MAP3K15: variants seen among roughly 807,000 people sequenced by gnomAD.
MAP3K15 encodes mitogen-activated protein kinase kinase kinase 15.
A neutral mutation model predicts 99.5 loss-of-function variants in MAP3K15; 124 were observed. The observed-to-expected ratio is 1.25, with a 90% CI of 1.08 to 1.45. MAP3K15 has a LOEUF of 1.45. MAP3K15 is among the 40% of genes most tolerant of loss of function. The pLI is 0.00. For synonymous variants in MAP3K15, 494 were observed against 439.6 expected (o/e 1.12, Z -1.55); for missense variants, 1,242 against 1,079.7 (o/e 1.15, Z -2.11).
chrX:19,469,024 G>A (rs887213373), intron 3 of MAP3K15, among the ~76,000 whole-genome samples: 7 of 111,053 alleles, frequency 6.3e-5, no homozygotes, highest in Non-Finnish European at 1.3e-4. Context: ...CTGAGATGAT[G>A]GGGTTTTGTA....
chrX:19,420,733 A>G (rs2063777334), intron 9 of MAP3K15, among the ~76,000 whole-genome samples: 1 of 111,821 alleles, frequency 8.9e-6, no homozygotes, highest in Non-Finnish European at 1.9e-5. Context: ...ACAACCAAAA[A>G]AGAGAATTTT....
rs1273094113 is a variant in MAP3K15, at chrX:19,380,113, G to A, written c.2589+7C>T. On this transcript the variant is annotated splice_region_variant and intron_variant, in intron 19 of 28. Coordinates refer to ENST00000338883, the MANE Select transcript of MAP3K15 (RefSeq NM_001001671.4). The stretch of plus-strand genomic sequence containing the variant: ...ACGCCCAACCTCAATCACGAAGCAT[G>A]ACTTACTTTGAACATGGCTGCCTGC... The A allele has an allele frequency of 5.9e-6, 7 of 1,177,528 alleles. No homozygotes were observed. The Admixed American group carries it at 1.6e-4, about 26-fold the overall frequency.
In MAP3K15 at chrX:19,442,815, C is replaced by T. The variant is rs377680521; in HGVS notation, c.996-11207G>A. On this transcript the variant is annotated intron_variant, in intron 6 of 28. Transcript: ENST00000338883. ...TCGGCTCACTGCAATCTCCACTTCCCGGGTTCAGTTGATTCTCCTGCCTCA... is the reference window on the plus strand; with the variant it reads ...TCGGCTCACTGCAATCTCCACTTCCTGGGTTCAGTTGATTCTCCTGCCTCA... Among the ~76,000 whole-genome samples, 156 of 104,882 alleles carry T rather than the reference C, an allele frequency of 1.5e-3. No individual in the cohort carries two copies. The South Asian group carries it at 0.039, about 27-fold the overall frequency. The allele number at this position is 104,882 out of a possible 115,157, so 91.1% of individuals were successfully genotyped here.
At chrX:19,489,541 G>A (rs139895512) in intron 1 of MAP3K15, among the ~76,000 whole-genome samples, 1 of 111,121 alleles carries the variant, frequency 9.0e-6, no homozygotes, top group Non-Finnish European at 1.9e-5. Context: ...GCCTTTGGGA[G>A]GTGATTAGGT....
chrX:19,465,202 G>A (rs1046034157), intron 3 of MAP3K15, among the ~76,000 whole-genome samples: 1 of 110,984 alleles, frequency 9.0e-6, no homozygotes, highest in African/African-American at 3.3e-5. Flanking sequence ...CCTAAATTTC[G>A]TATTTTTACG....
intron 3 of MAP3K15, among the ~76,000 whole-genome samples, chrX:19,478,811 T>C (rs1251176502): frequency 9.1e-6 from 1 of 110,409 alleles, no homozygotes; most frequent in Non-Finnish European, 1.9e-5. Context: ...AACTCTGCTT[T>C]TTAAAAAAAC....
chrX:19,410,475 AT>A (rs2147272936), intron 11 of MAP3K15, among the ~76,000 whole-genome samples: 1 of 111,983 alleles, frequency 8.9e-6, no homozygotes, highest in Non-Finnish European at 1.9e-5. Context: ...GGCCAATGGG[AT>A]GTGAGCAGGA....
At chrX:19,489,443 G>C (rs935295854) in intron 1 of MAP3K15, among the ~76,000 whole-genome samples, 1 of 110,880 alleles carries the variant, frequency 9.0e-6, no homozygotes, top group African/African-American at 3.3e-5. Flanking sequence ...CCACGCACGT[G>C]TGTGTGCGCT....
In MAP3K15 at chrX:19,514,927, G is replaced by A; in HGVS notation, c.335C>T (p.Ala112Val). 1.7e-6 allele frequency: 2 copies of A among 1,143,293 alleles called. No individual in the cohort carries two copies. The highest frequency in any genetic ancestry group is 2.3e-6 in the Non-Finnish European group (2 of 865,318). 94.2% of individuals were successfully genotyped at this position (1,143,293 alleles called of 1,213,427 possible). A position where few individuals can be genotyped will look rare whatever the true frequency, so the allele number is the denominator to read the frequency against. ...PFGELDFGET[A>V]VLDAFYDADV... Reference sequence around the variant, plus strand: ...TGCGTCGTAGAAGGCGTCGAGCACGGCCGTCTCCCCGAAGTCCAGCTCCCC... The same window carrying A: ...TGCGTCGTAGAAGGCGTCGAGCACGACCGTCTCCCCGAAGTCCAGCTCCCC... The change falls in exon 1 of 29, where the codon GCC becomes GTC. Residue 112 changes from alanine (A) to valine (V), a missense_variant. Transcript: ENST00000338883.
At chrX:19,397,875 C>T (rs1393637610) in intron 15 of MAP3K15, among the ~76,000 whole-genome samples, 1 of 109,542 alleles carries the variant, frequency 9.1e-6, no homozygotes, top group Admixed American at 9.8e-5. Context: ...GTCAGGAGTT[C>T]GAGACCAACC....
At chrX:19,505,011 C>T (rs749468364) in intron 1 of MAP3K15, among the ~76,000 whole-genome samples, 98 of 107,564 alleles carry the variant, frequency 9.1e-4, no homozygotes, top group Non-Finnish European at 1.7e-3. Context: ...GTATAGGGTT[C>T]CTACAGCACC....
rs2063268836 is a variant in MAP3K15, at chrX:19,360,433, G to GCCTC, written c.*312_*315dup. ...AGTGGTGTGATCATGGCTCACTGCA[G>GCCTC]CCTCCACACCTCCTGGGCTCAAGCA... On this transcript the variant is annotated 3_prime_UTR_variant, in exon 29 of 29. Transcript: ENST00000338883. 11 of 219,949 alleles carry GCCTC rather than the reference G, an allele frequency of 5.0e-5. No individual in the cohort carries two copies. The South Asian group carries it at 6.4e-4, about 13-fold the overall frequency. 18.1% of individuals were successfully genotyped at this position (219,949 alleles called of 1,213,427 possible). A position where few individuals can be genotyped will look rare whatever the true frequency, so the allele number is the denominator to read the frequency against.
At chrX:19,390,486 T>C (rs1463058757) in intron 18 of MAP3K15, among the ~76,000 whole-genome samples, 1 of 103,017 alleles carries the variant, frequency 9.7e-6, no homozygotes. Flanking sequence ...AATTACTATA[T>C]AATATATGTT....
chrX:19,418,216 A>G (rs1310383571), intron 9 of MAP3K15, among the ~76,000 whole-genome samples: 1 of 112,094 alleles, frequency 8.9e-6, no homozygotes, highest in Non-Finnish European at 1.9e-5. Flanking sequence ...AGTTAAGAGA[A>G]GAAGACTTCA....
chrX:19,414,259 C>T (rs2063714924), intron 10 of MAP3K15: 1 of 115,383 alleles, frequency 8.7e-6, no homozygotes, highest in African/African-American at 3.3e-5. Context: ...GATCACTAAA[C>T]CTGGTTAGAG....
chrX:19,462,371 A>C (rs925485285), intron 4 of MAP3K15, among the ~76,000 whole-genome samples: 10 of 111,796 alleles, frequency 8.9e-5, no homozygotes, highest in Non-Finnish European at 1.7e-4. Flanking sequence ...ATAATGAACA[A>C]AATTAGCAGA....
In MAP3K15 at chrX:19,392,420, T is replaced by C. The variant is rs570711046; in HGVS notation, c.2248A>G (p.Ile750Val). 2.5e-6 allele frequency: 3 copies of C among 1,210,889 alleles called. No homozygotes were observed. Among genetic ancestry groups the C allele is most frequent in the Non-Finnish European group, 2.2e-6 (2 of 894,833 alleles). The change falls in exon 17 of 29, where the codon ATC becomes GTC. Residue 750 changes from isoleucine (I) to valine (V), a missense_variant. Transcript: ENST00000338883. ...AGGATCTGTTTGGTGTAAAACTTGATTGTCGGTTCCTTCATCGGCCCCCAT... is the reference window on the plus strand; with the variant it reads ...AGGATCTGTTTGGTGTAAAACTTGACTGTCGGTTCCTTCATCGGCCCCCAT... ...SKWGPMKEPTIKFYTKQILEG... is the reference protein window; with the variant it reads ...SKWGPMKEPTVKFYTKQILEG...
rs377007601 is a variant in MAP3K15, at chrX:19,513,884, C to G, written c.361+1017G>C. 9.0e-5 allele frequency among the ~76,000 whole-genome samples: 10 copies of G among 110,915 alleles called. No individual in the cohort carries two copies. The East Asian group carries it at 1.4e-3, about 16-fold the overall frequency. On this transcript the variant is annotated intron_variant, in intron 1 of 28. Transcript: ENST00000338883. ...AATTCATTCCACACCGAGAGAAACT[C>G]TTGCCAATCCAAAGTACGCTTCTTA...
intron 18 of MAP3K15, among the ~76,000 whole-genome samples, chrX:19,386,580 G>A (rs1466185761): frequency 9.0e-6 from 1 of 111,169 alleles, no homozygotes; most frequent in Non-Finnish European, 1.9e-5. Flanking sequence ...CGGCTCTTAG[G>A]TACCTACACC....
Sources: gnomAD v4.1 joint callset for allele counts (sites outside exome capture counted in the v4.1 genomes callset) on GRCh38, gnomAD v4.1.1 for gene constraint, MANE v1.5 for transcripts, NCBI Gene and HGNC (gene_info 2026-07-23, HGNC 2026-07-21) for gene names.